Variants in XNDC1N observed in about 807,000 individuals in gnomAD.
The protein encoded by XNDC1N is protein XNDC1N.
the XNDC1N span, among the ~76,000 whole-genome samples, chr11:71,879,823 A>G: frequency 1.3e-4 from 20 of 152,180 alleles, no homozygotes; most frequent in African/African-American, 4.6e-4. Context: ...GACATTTACT[A>G]TGAACAGAAT....
At chr11:71,902,927 G>C in the XNDC1N span, among the ~76,000 whole-genome samples, 4 of 152,144 alleles carry the variant, frequency 2.6e-5, no homozygotes, top group Non-Finnish European at 4.4e-5. Context: ...TCTGGTTCTT[G>C]GAACGTTCTT....
At chr11:71,898,290 T>C in the XNDC1N span, among the ~76,000 whole-genome samples, 2 of 150,834 alleles carry the variant, frequency 1.3e-5, no homozygotes, top group Non-Finnish European at 2.9e-5. Flanking sequence ...GACATTATCG[T>C]CAGTGAAATA....
chr11:71,894,267 AC>A, the XNDC1N span: 11 of 390,952 alleles, frequency 2.8e-5, no homozygotes, highest in South Asian at 6.7e-5. Flanking sequence ...CTCTGTCACC[AC>A]CCCCCAGGAA....
the XNDC1N span, among the ~76,000 whole-genome samples, chr11:71,876,313 TTTC>T: frequency 2.0e-5 from 3 of 152,184 alleles, no homozygotes; most frequent in African/African-American, 7.2e-5. Context: ...GCTATCTGAT[TTTC>T]TTCTTGGTGT....
At chr11:71,889,080 G>A in the XNDC1N span, among the ~76,000 whole-genome samples, 4 of 152,182 alleles carry the variant, frequency 2.6e-5, no homozygotes, top group African/African-American at 9.7e-5. Context: ...CCACATCATT[G>A]CCCCAGGCCA....
the XNDC1N span, chr11:71,917,356 G>C: frequency 1.6e-6 from 1 of 613,690 alleles, no homozygotes; most frequent in Non-Finnish European, 2.9e-6. Context: ...TCTATATATT[G>C]GGCCCTACCG....
chr11:71,872,240 C>T, the XNDC1N span, among the ~76,000 whole-genome samples: 1 of 152,146 alleles, frequency 6.6e-6, no homozygotes, highest in African/African-American at 2.4e-5. Context: ...TGTCTGCAAC[C>T]TCAACACAGA....
At chr11:71,868,035 T>G in the XNDC1N span, among the ~76,000 whole-genome samples, 10 of 152,374 alleles carry the variant, frequency 6.6e-5, no homozygotes, top group South Asian at 1.2e-3. Flanking sequence ...TTTACCATTA[T>G]GTAATGCCCT....
the XNDC1N span, among the ~76,000 whole-genome samples, chr11:71,876,571 A>T: frequency 6.6e-6 from 1 of 152,182 alleles, no homozygotes; most frequent in Non-Finnish European, 1.5e-5. Context: ...TGGTGCAAAC[A>T]TAATTGCGAT....
the XNDC1N span, among the ~76,000 whole-genome samples, chr11:71,896,498 C>T: frequency 4.6e-5 from 7 of 152,330 alleles, no homozygotes; most frequent in East Asian, 1.3e-3. Context: ...TGGTAAGAAG[C>T]TTCCTAACTT....
chr11:71,868,183 T>C, the XNDC1N span, among the ~76,000 whole-genome samples: 30,865 of 152,096 alleles, frequency 0.2, 5,858 homozygotes, highest in African/African-American at 0.5. Flanking sequence ...GTGATGGGCT[T>C]ACATGCAATG....
At chr11:71,904,654 C>A in the XNDC1N span, among the ~76,000 whole-genome samples, 1 of 152,056 alleles carries the variant, frequency 6.6e-6, no homozygotes, top group Non-Finnish European at 1.5e-5. Flanking sequence ...TTTGCGCACA[C>A]TTTGTGCCAT....
At chr11:71,888,657 G>A in the XNDC1N span, among the ~76,000 whole-genome samples, 1 of 152,202 alleles carries the variant, frequency 6.6e-6, no homozygotes, top group Non-Finnish European at 1.5e-5. Context: ...CCCTGTTGGA[G>A]GGCCTTGGCA....
the XNDC1N span, among the ~76,000 whole-genome samples, chr11:71,899,088 G>A: frequency 5.6e-4 from 85 of 152,126 alleles, no homozygotes; most frequent in African/African-American, 1.7e-3. Context: ...ATTATTATAC[G>A]GACATCCTTA....
the XNDC1N span, among the ~76,000 whole-genome samples, chr11:71,900,602 T>C: frequency 6.6e-6 from 1 of 152,188 alleles, no homozygotes; most frequent in African/African-American, 2.4e-5. Flanking sequence ...ATCTCACTCA[T>C]GATAGCAGGG....
the XNDC1N span, among the ~76,000 whole-genome samples, chr11:71,878,162 T>C: frequency 6.6e-6 from 1 of 152,202 alleles, no homozygotes; most frequent in Non-Finnish European, 1.5e-5. Flanking sequence ...CCAGAATGCA[T>C]AAGACAATGC....
the XNDC1N span, among the ~76,000 whole-genome samples, chr11:71,888,142 C>T: frequency 6.6e-6 from 1 of 152,064 alleles, no homozygotes; most frequent in African/African-American, 2.4e-5. Context: ...GAACAGATGC[C>T]CTACACCGGC....
chr11:71,866,425 T>C, the XNDC1N span, among the ~76,000 whole-genome samples: 2 of 152,200 alleles, frequency 1.3e-5, no homozygotes, highest in South Asian at 2.1e-4. Flanking sequence ...ACATATTATA[T>C]TGATACTAAT....
the XNDC1N span, among the ~76,000 whole-genome samples, chr11:71,898,269 T>C: frequency 1.3e-5 from 2 of 149,872 alleles, no homozygotes; most frequent in African/African-American, 4.9e-5. Flanking sequence ...GCAACATGGA[T>C]GAACCTTGAA....
Sources: gnomAD v4.1 joint callset for allele counts (sites outside exome capture counted in the v4.1 genomes callset) on GRCh38, gnomAD v4.1.1 for gene constraint, MANE v1.5 for transcripts, NCBI Gene and HGNC (gene_info 2026-07-23, HGNC 2026-07-21) for gene names.